The following DLGAP1 variants were observed in gnomAD, a reference collection of about 807,000 sequenced individuals.
DLGAP1 encodes the protein DLG associated protein 1, also known as disks large-associated protein 1.
A neutral mutation model predicts 90.8 loss-of-function variants in DLGAP1; 11 were observed. That is an observed-to-expected ratio of 0.12 (90% CI 0.08 to 0.20). The LOEUF (loss-of-function observed/expected upper bound fraction) is 0.20, where lower values mean the gene tolerates loss of function less well. Among genes scored for constraint, DLGAP1 ranks in the 10% least tolerant of loss-of-function variants. The probability of loss-of-function intolerance (pLI) is 1.00; values close to 1 mark genes in which losing one functional copy is unlikely to be tolerated. For missense variants in DLGAP1, 1,050 were observed against 1,333.8 expected (o/e 0.79, Z 3.31); for synonymous variants, 558 against 540.7 (o/e 1.03, Z -0.44).
intron 5 of DLGAP1, among the ~76,000 whole-genome samples, chr18:3,760,347 C>T (rs571775749): frequency 6.6e-6 from 1 of 152,296 alleles, no homozygotes; most frequent in South Asian, 2.1e-4. Flanking sequence ...CCGAGTTCTG[C>T]TCCTGGGTGA....
chr18:4,257,406 T>C (rs1236786629), intron 1 of DLGAP1, among the ~76,000 whole-genome samples: 1 of 152,230 alleles, frequency 6.6e-6, no homozygotes, highest in Non-Finnish European at 1.5e-5. Flanking sequence ...ACAGTGAATG[T>C]ATATGTTACT....
chr18:4,430,114 A>C (rs184581966), intron 1 of DLGAP1, among the ~76,000 whole-genome samples: 2 of 152,336 alleles, frequency 1.3e-5, no homozygotes, highest in African/African-American at 4.8e-5. Context: ...GGAGGACAGG[A>C]GGGCGCTGAG....
intron 2 of DLGAP1, among the ~76,000 whole-genome samples, chr18:4,080,685 C>T (rs2075592914): frequency 6.6e-6 from 1 of 152,184 alleles, no homozygotes; most frequent in Admixed American, 6.5e-5. Flanking sequence ...ACAAGACCCC[C>T]TTTGCTAGCC....
chr18:3,584,577 G>C (rs1464857878), intron 7 of DLGAP1, among the ~76,000 whole-genome samples: 3 of 152,134 alleles, frequency 2.0e-5, no homozygotes. Context: ...GATTGCCTGA[G>C]TATTGGAGGA....
intron 5 of DLGAP1, among the ~76,000 whole-genome samples, chr18:3,748,886 T>C (rs2063379584): frequency 6.6e-6 from 1 of 152,224 alleles, no homozygotes; most frequent in South Asian, 2.1e-4. Flanking sequence ...TTATAATCCG[T>C]ATAGAAATGT....
intron 1 of DLGAP1, among the ~76,000 whole-genome samples, chr18:4,286,977 C>T (rs555768131): frequency 1.6e-4 from 25 of 152,122 alleles, no homozygotes; most frequent in African/African-American, 6.0e-4. Context: ...AAATTTGAGG[C>T]CATGAAGAGG....
chr18:4,174,711 C>T (rs748985838), intron 1 of DLGAP1, among the ~76,000 whole-genome samples: 10 of 152,128 alleles, frequency 6.6e-5, no homozygotes, highest in East Asian at 1.9e-4. Flanking sequence ...TAGGTATACA[C>T]GTGCCATGAT....
intron 2 of DLGAP1, among the ~76,000 whole-genome samples, chr18:4,060,969 C>T (rs769142278): frequency 1.3e-5 from 2 of 152,148 alleles, no homozygotes; most frequent in African/African-American, 2.4e-5. Context: ...AGTGCTACTA[C>T]GACTCTTAAC....
chr18:4,072,423 T>TATC (rs953603657), intron 2 of DLGAP1, among the ~76,000 whole-genome samples: 4 of 151,944 alleles, frequency 2.6e-5, no homozygotes, highest in East Asian at 1.9e-4. Context: ...TCATTTTCAT[T>TATC]ATCATCATCA....
intron 1 of DLGAP1, among the ~76,000 whole-genome samples, chr18:4,366,720 T>C (rs12709601): frequency 0.1 from 15,258 of 151,740 alleles, 792 homozygotes; most frequent in African/African-American, 0.13. Flanking sequence ...AAAAAAAATC[T>C]CACTATAGGT....
At chr18:4,408,290 A>G (rs1598373644) in intron 1 of DLGAP1, among the ~76,000 whole-genome samples, 1 of 152,084 alleles carries the variant, frequency 6.6e-6, no homozygotes, top group South Asian at 2.1e-4. Context: ...AGGGGGTGGG[A>G]GAACAGAGGT....
At chr18:3,693,508 G>A (rs1055046076) in intron 7 of DLGAP1, among the ~76,000 whole-genome samples, 14 of 152,322 alleles carry the variant, frequency 9.2e-5, no homozygotes, top group African/African-American at 3.1e-4. Context: ...GTTAGAAAAC[G>A]GATATTAATG....
intron 1 of DLGAP1, among the ~76,000 whole-genome samples, chr18:4,421,933 C>T (rs769401805): frequency 1.4e-4 from 22 of 152,124 alleles, no homozygotes; most frequent in Admixed American, 3.3e-4. Context: ...AGGCTGGTTT[C>T]GAACTCCTGA....
chr18:3,970,902 C>A (rs1310053509), intron 3 of DLGAP1, among the ~76,000 whole-genome samples: 2 of 152,112 alleles, frequency 1.3e-5, no homozygotes. Context: ...GCCCTGCATC[C>A]TGGGCCTATG....
In DLGAP1 at chr18:3,499,497, G is replaced by A; in HGVS notation, c.2725-103C>T. ...TAGAACACACAGTTTTTTACCTAGGGGTGGTTAGTTCTGATCTGCACACTG... is the reference window on the plus strand; with the variant it reads ...TAGAACACACAGTTTTTTACCTAGGAGTGGTTAGTTCTGATCTGCACACTG... On this transcript the variant is annotated intron_variant, in intron 12 of 12. Transcript: ENST00000315677. This position sits in a 1 kb window ranked among gnomAD's most constrained non-coding sequence, Gnocchi z 6.4. 4.7e-6 allele frequency: 6 copies of A among 1,263,474 alleles called. No homozygotes were observed. The highest frequency in any genetic ancestry group is 1.4e-5 in the South Asian group (1 of 70,432). The allele number at this position is 1,263,474 out of a possible 1,614,324, so 78.3% of individuals were successfully genotyped here.
At chr18:4,348,514 CAGGTGACCT>C (rs936229473) in intron 1 of DLGAP1, among the ~76,000 whole-genome samples, 6 of 151,696 alleles carry the variant, frequency 4.0e-5, no homozygotes, top group African/African-American at 1.5e-4. Context: ...CTAGCTCTGT[CAGGTGACCT>C]AGAAGCAATG....
At chr18:3,956,994 G>A (rs2148975909) in intron 3 of DLGAP1, among the ~76,000 whole-genome samples, 1 of 152,212 alleles carries the variant, frequency 6.6e-6, no homozygotes, top group Middle Eastern at 3.4e-3. Context: ...ATTTGAAACT[G>A]CAATAGACAA....
chr18:4,033,500 T>G (rs967153305), intron 2 of DLGAP1, among the ~76,000 whole-genome samples: 1 of 152,178 alleles, frequency 6.6e-6, no homozygotes, highest in Non-Finnish European at 1.5e-5. Flanking sequence ...CTAGGCCAGA[T>G]ACTCAGAAAT....
chr18:3,606,031 C>T lies in DLGAP1; in HGVS notation c.1592-23783G>A, dbSNP rs75427446. Reference sequence around the variant, plus strand: ...GGGACATTAAGAAAAAAAAAGGTCTCGCTGTGGTTTGCTATTAGATGGAGA... The same window carrying T: ...GGGACATTAAGAAAAAAAAAGGTCTTGCTGTGGTTTGCTATTAGATGGAGA... On this transcript the variant is annotated intron_variant, in intron 7 of 12. Coordinates refer to ENST00000315677, the MANE Select transcript of DLGAP1 (RefSeq NM_004746.4). 5.9e-3 allele frequency among the ~76,000 whole-genome samples: 896 copies of T among 152,246 alleles called. 10 individuals carry two copies. The highest frequency in any genetic ancestry group is 0.021 in the African/African-American group (860 of 41,522).
Sources: gnomAD v4.1 joint callset for allele counts (sites outside exome capture counted in the v4.1 genomes callset) on GRCh38, gnomAD v4.1.1 for gene constraint, Gnocchi (gnomAD v3.1) non-coding constraint, MANE v1.5 for transcripts, NCBI Gene and HGNC (gene_info 2026-07-23, HGNC 2026-07-21) for gene names.